COL5A2: variants seen among roughly 807,000 people sequenced by gnomAD.
The protein encoded by COL5A2 is collagen type V alpha 2 chain.
In COL5A2, 23 loss-of-function variants were observed where a neutral mutation model predicts 208.2. The ratio of observed to expected loss-of-function variants is 0.11; its 90% CI spans 0.08 to 0.16. The LOEUF (loss-of-function observed/expected upper bound fraction) is 0.16. Among genes scored for constraint, COL5A2 ranks in the 10% least tolerant of loss-of-function variants. The probability of loss-of-function intolerance (pLI) is 1.00; values close to 1 mark genes in which losing one functional copy is unlikely to be tolerated. For missense variants in COL5A2, 1,590 were observed against 1,956.4 expected (o/e 0.81, Z 3.53); for synonymous variants, 625 against 628.5 (o/e 0.99, Z 0.08).
the COL5A2 span, among the ~76,000 whole-genome samples, chr2:189,322,431 C>A: frequency 5.9e-5 from 9 of 151,850 alleles, no homozygotes; most frequent in Admixed American, 5.9e-4. Context: ...ACACTGCTAG[C>A]AAGACTAATA....
intron 1 of COL5A2, among the ~76,000 whole-genome samples, chr2:189,145,772 A>G (rs772392674): frequency 1.5e-4 from 23 of 152,288 alleles, no homozygotes; most frequent in Non-Finnish European, 2.9e-4. Context: ...AAAGTATATG[A>G]GATAAGGCAT....
rs1685387433 is a variant in COL5A2, at chr2:189,033,827, G to A, written c.*243C>T. 1 of 538,110 alleles carries A rather than the reference G, an allele frequency of 1.9e-6. No homozygotes were observed. The highest frequency in any genetic ancestry group is 3.3e-6 in the Non-Finnish European group (1 of 301,990). The allele number at this position is 538,110 out of a possible 1,614,324, so 33.3% of individuals were successfully genotyped here. A position where few individuals can be genotyped will look rare whatever the true frequency, so the allele number is the denominator to read the frequency against. The stretch of plus-strand genomic sequence containing the variant: ...TCTGCAAAGGTGGTCATTGTCATTG[G>A]TCATCTTAAACCTAAACTGTTGTAT... On this transcript the variant is annotated 3_prime_UTR_variant, in exon 54 of 54. Coordinates refer to ENST00000374866, the MANE Select transcript of COL5A2 (RefSeq NM_000393.5).
chr2:189,348,413 A>G, the COL5A2 span, among the ~76,000 whole-genome samples: 1 of 152,166 alleles, frequency 6.6e-6, no homozygotes, highest in Admixed American at 6.6e-5. Flanking sequence ...AACAAAAGAG[A>G]CAGATGTTTC....
chr2:189,350,560 T>C, the COL5A2 span, among the ~76,000 whole-genome samples: 1 of 152,184 alleles, frequency 6.6e-6, no homozygotes, highest in Non-Finnish European at 1.5e-5. Flanking sequence ...CATGATAACA[T>C]GCACTAAGAA....
chr2:189,099,344 CT>C (rs1465082837), intron 4 of COL5A2, among the ~76,000 whole-genome samples: 2 of 152,078 alleles, frequency 1.3e-5, no homozygotes, highest in Admixed American at 1.3e-4. Flanking sequence ...TTCTTTTTGT[CT>C]TGACAGACTG....
At position 189,100,095 on chromosome 2, in the gene COL5A2, A is replaced by G. The variant is rs1230921079; in HGVS notation, c.369+12T>C. 2 of 1,599,626 alleles carry G rather than the reference A, an allele frequency of 1.3e-6. No homozygotes were observed. The highest frequency in any genetic ancestry group is 2.2e-5 in the East Asian group (1 of 44,696). ...TAAGGTACAAGGAAACAATGATTAT[A>G]CATATACTTACAACAGGCACTAATC... is the stretch of plus-strand genomic sequence containing the variant. On this transcript the variant is annotated intron_variant, in intron 4 of 53. Transcript: ENST00000374866.
At chr2:189,057,103 G>A in intron 34 of COL5A2, 77 bp from the exon 35 acceptor site, 1 of 1,471,562 alleles carries the variant, frequency 6.8e-7, no homozygotes. Context: ...TCATGAGAGT[G>A]AAGGCTAATT....
At chr2:189,194,989 G>C (rs1688981647) in intron 1 of COL5A2, among the ~76,000 whole-genome samples, 1 of 152,128 alleles carries the variant, frequency 6.6e-6, no homozygotes, top group African/African-American at 2.4e-5. Flanking sequence ...GCAAGAAAAT[G>C]AAGTAAAGGG....
At chr2:189,292,009 A>G in the COL5A2 span, among the ~76,000 whole-genome samples, 5 of 152,190 alleles carry the variant, frequency 3.3e-5, no homozygotes, top group Non-Finnish European at 2.9e-5. Context: ...ACACCCCAGA[A>G]GGAAATCACT....
chr2:189,106,363 C>T (rs955730582), intron 2 of COL5A2, among the ~76,000 whole-genome samples: 8 of 151,330 alleles, frequency 5.3e-5, no homozygotes, highest in Non-Finnish European at 7.4e-5. Context: ...GTTGCTATTA[C>T]AAATGAGGAA....
intron 49 of COL5A2, among the ~76,000 whole-genome samples, chr2:189,042,446 T>G (rs558189011): frequency 2.1e-4 from 32 of 152,288 alleles, no homozygotes; most frequent in African/African-American, 7.5e-4. Flanking sequence ...GAAATTTAAA[T>G]TAACACAATG....
chr2:189,316,688 A>G, the COL5A2 span, among the ~76,000 whole-genome samples: 7 of 151,862 alleles, frequency 4.6e-5, no homozygotes, highest in Non-Finnish European at 8.8e-5. Flanking sequence ...ACAAACCCCC[A>G]TGACACAAGT....
chr2:189,133,059 T>G (rs1213935638), intron 1 of COL5A2: 1 of 152,184 alleles, frequency 6.6e-6, no homozygotes, highest in African/African-American at 2.4e-5. Context: ...AGTGTAGAGA[T>G]TAGTTTGAAT....
At chr2:189,067,776 C>G (rs1686184825) in intron 21 of COL5A2, among the ~76,000 whole-genome samples, 1 of 152,034 alleles carries the variant, frequency 6.6e-6, no homozygotes. Flanking sequence ...AAAGTTATAA[C>G]CTTATTATTT....
At chr2:189,308,616 C>T in the COL5A2 span, among the ~76,000 whole-genome samples, 3 of 152,250 alleles carry the variant, frequency 2.0e-5, no homozygotes, top group East Asian at 1.9e-4. Flanking sequence ...TACCAGGAGG[C>T]TTTATCTGCA....
chr2:189,109,525 C>T (rs1241249059), intron 2 of COL5A2, among the ~76,000 whole-genome samples: 1 of 152,000 alleles, frequency 6.6e-6, no homozygotes, highest in East Asian at 1.9e-4. Context: ...TGACTGCTAA[C>T]ACAAATAACC....
At chr2:189,302,855 A>G in the COL5A2 span, among the ~76,000 whole-genome samples, 1 of 152,146 alleles carries the variant, frequency 6.6e-6, no homozygotes. Context: ...GTTTGTGCTC[A>G]AGGAACTCTT....
At chr2:189,150,358 T>C (rs184504798) in intron 1 of COL5A2, among the ~76,000 whole-genome samples, 8 of 152,114 alleles carry the variant, frequency 5.3e-5, no homozygotes, top group African/African-American at 1.9e-4. Context: ...TTGCCAAATA[T>C]CAGGACACAA....
At chr2:189,201,024 A>G (rs1371472869) in intron 1 of COL5A2, among the ~76,000 whole-genome samples, 1 of 152,082 alleles carries the variant, frequency 6.6e-6, no homozygotes, top group African/African-American at 2.4e-5. Flanking sequence ...ACACACAAAT[A>G]TAAGATCTTT....
Sources: gnomAD v4.1 joint callset for allele counts (sites outside exome capture counted in the v4.1 genomes callset) on GRCh38, gnomAD v4.1.1 for gene constraint, MANE v1.5 for transcripts, NCBI Gene and HGNC (gene_info 2026-07-23, HGNC 2026-07-21) for gene names.